WDR70: variants seen among roughly 807,000 people sequenced by gnomAD.
The protein encoded by WDR70 is WD repeat-containing protein 70.
A neutral mutation model predicts 88.6 loss-of-function variants in WDR70; 53 were observed. The ratio of observed to expected loss-of-function variants is 0.60; its 90% CI spans 0.48 to 0.75. The LOEUF (loss-of-function observed/expected upper bound fraction) is 0.75, where lower values mean the gene tolerates loss of function less well. Ranked by LOEUF, WDR70 falls within the 30% of genes least tolerant of loss-of-function variation. WDR70 has a pLI of 0.00. For missense variants in WDR70, 610 were observed against 823.2 expected, an observed-to-expected ratio of 0.74 and a Z score of 3.17; for synonymous variants, 280 against 270.0, an observed-to-expected ratio of 1.04 and a Z score of -0.36.
At chr5:37,680,117 T>G (rs1333117825) in intron 10 of WDR70, among the ~76,000 whole-genome samples, 1 of 152,190 alleles carries the variant, frequency 6.6e-6, no homozygotes, top group Non-Finnish European at 1.5e-5. Context: ...TATCTCATTG[T>G]GGTTTTGATT....
At chr5:37,693,162 G>A (rs1393627413) in intron 10 of WDR70, among the ~76,000 whole-genome samples, 1 of 152,184 alleles carries the variant, frequency 6.6e-6, no homozygotes, top group Non-Finnish European at 1.5e-5. Flanking sequence ...CAAGGGATGT[G>A]AATGACCTGT....
At chr5:37,560,627 T>C (rs1204532971) in intron 9 of WDR70, among the ~76,000 whole-genome samples, 1 of 152,208 alleles carries the variant, frequency 6.6e-6, no homozygotes, top group Non-Finnish European at 1.5e-5. Context: ...ATATTCCAAA[T>C]TATAAATGAG....
chr5:37,487,685 G>C (rs1170596142), intron 8 of WDR70, among the ~76,000 whole-genome samples: 1 of 145,586 alleles, frequency 6.9e-6, no homozygotes, highest in Non-Finnish European at 1.5e-5. Flanking sequence ...GAGTGCAGTG[G>C]TGCGATCTCA....
intron 9 of WDR70, among the ~76,000 whole-genome samples, chr5:37,583,406 G>T (rs533923343): frequency 6.9e-6 from 1 of 145,748 alleles, no homozygotes; most frequent in African/African-American, 2.6e-5. Context: ...GGGTGACAGA[G>T]CAAGACTCTG....
Position 37,697,760 on chromosome 5 carries a change from T to C in WDR70, c.1192+6T>C. The stretch of plus-strand genomic sequence containing the variant: ...TGTCCTTGCCTCTCGTGGAGGTAGG[T>C]TAAAAGCTTTCTTTTTGATGTATTT... On this transcript the variant is annotated splice_donor_region_variant and intron_variant, in intron 11 of 17. Transcript: ENST00000265107. 4 of 1,605,248 alleles carry C rather than the reference T, an allele frequency of 2.5e-6. No individual in the cohort carries two copies. Among genetic ancestry groups the C allele is most frequent in the Non-Finnish European group, 3.4e-6 (4 of 1,172,308 alleles).
At chr5:37,438,035 A>T in intron 6 of WDR70, 54 bp downstream of exon 6, 1 of 1,461,430 alleles carries the variant, frequency 6.8e-7, no homozygotes, top group Non-Finnish European at 9.4e-7. Flanking sequence ...CTGTCATGGA[A>T]AAGTGAACTG....
intron 8 of WDR70, among the ~76,000 whole-genome samples, chr5:37,499,725 T>C (rs1581341041): frequency 6.6e-6 from 1 of 151,696 alleles, no homozygotes; most frequent in African/African-American, 2.4e-5. Flanking sequence ...GGCTAATGTT[T>C]TGTATTTTTT....
intron 9 of WDR70, among the ~76,000 whole-genome samples, chr5:37,544,971 A>T (rs1397339359): frequency 6.6e-6 from 1 of 152,162 alleles, no homozygotes; most frequent in Non-Finnish European, 1.5e-5. Flanking sequence ...TCTGTAACTG[A>T]AAGTTTCTTC....
intron 7 of WDR70, among the ~76,000 whole-genome samples, chr5:37,444,734 T>C (rs1012478922): frequency 5.9e-5 from 9 of 152,134 alleles, no homozygotes; most frequent in Non-Finnish European, 1.3e-4. Flanking sequence ...GTCCCCAATC[T>C]TTTTTGCACC....
intron 9 of WDR70, among the ~76,000 whole-genome samples, chr5:37,537,323 T>C (rs747426110): frequency 3.3e-5 from 5 of 152,052 alleles, no homozygotes; most frequent in African/African-American, 4.8e-5. Flanking sequence ...CATGTAAACA[T>C]AGGAAGTGGG....
intron 3 of WDR70, among the ~76,000 whole-genome samples, chr5:37,387,576 T>C (rs2886591): frequency 2.6e-5 from 4 of 152,084 alleles, no homozygotes; most frequent in African/African-American, 9.7e-5. Flanking sequence ...AGCTTTAGCA[T>C]GTAAATAGAA....
At chr5:37,463,997 G>C (rs770504453) in intron 7 of WDR70, among the ~76,000 whole-genome samples, 5 of 152,210 alleles carry the variant, frequency 3.3e-5, no homozygotes, top group Non-Finnish European at 7.3e-5. Flanking sequence ...ATTAGTGTGG[G>C]ATCACTGAAA....
intron 9 of WDR70, among the ~76,000 whole-genome samples, chr5:37,538,331 C>T (rs553323327): frequency 6.6e-6 from 1 of 152,304 alleles, no homozygotes; most frequent in East Asian, 1.9e-4. Context: ...ATCTCAACAC[C>T]TCTTGTATTA....
chr5:37,478,594 A>G (rs779164149), intron 7 of WDR70, among the ~76,000 whole-genome samples: 1 of 152,210 alleles, frequency 6.6e-6, no homozygotes, highest in African/African-American at 2.4e-5. Context: ...AGATGGGGAA[A>G]TTGAATTGCC....
intron 10 of WDR70, among the ~76,000 whole-genome samples, chr5:37,654,157 T>C (rs1249778181): frequency 1.3e-5 from 2 of 152,244 alleles, no homozygotes; most frequent in Non-Finnish European, 2.9e-5. Flanking sequence ...TTGTTTTCAT[T>C]GGTTTCAAAG....
intron 9 of WDR70, among the ~76,000 whole-genome samples, chr5:37,599,070 A>C (rs899297910): frequency 1.3e-5 from 2 of 152,246 alleles, no homozygotes; most frequent in South Asian, 4.1e-4. Flanking sequence ...ATCTTGGTTT[A>C]ATTTTTCTTG....
chr5:37,695,579 C>T (rs1015938781), intron 10 of WDR70, among the ~76,000 whole-genome samples: 2 of 152,168 alleles, frequency 1.3e-5, no homozygotes, highest in Non-Finnish European at 2.9e-5. Flanking sequence ...GGACTCAGAT[C>T]CCTGTTTCCT....
intron 7 of WDR70, among the ~76,000 whole-genome samples, chr5:37,455,292 T>C (rs1738797430): frequency 6.7e-6 from 1 of 150,168 alleles, no homozygotes; most frequent in South Asian, 2.1e-4. Context: ...TTGCCCAGGC[T>C]GGAGTGCAGT....
intron 13 of WDR70, among the ~76,000 whole-genome samples, chr5:37,718,141 A>G (rs1319193440): frequency 2.6e-5 from 4 of 152,180 alleles, no homozygotes; most frequent in African/African-American, 4.8e-5. Context: ...GTAAGAACAT[A>G]TACTAATCAG....
Sources: gnomAD v4.1 joint callset for allele counts (sites outside exome capture counted in the v4.1 genomes callset) on GRCh38, gnomAD v4.1.1 for gene constraint, MANE v1.5 for transcripts, NCBI Gene and HGNC (gene_info 2026-07-23, HGNC 2026-07-21) for gene names.